SLC41A2: variants seen among roughly 807,000 people sequenced by gnomAD.
SLC41A2 encodes the protein solute carrier family 41 member 2, also known as SLC41A1-like 1.
In SLC41A2, 32 loss-of-function variants were observed where a neutral mutation model predicts 58.3. That is an observed-to-expected ratio of 0.55 (90% CI 0.41 to 0.74). SLC41A2 has a LOEUF of 0.74. Among genes scored for constraint, SLC41A2 ranks in the 30% least tolerant of loss-of-function variants. The pLI, the probability that SLC41A2 is intolerant of heterozygous loss-of-function variation, is 0.00. For synonymous variants in SLC41A2, 190 were observed against 235.0 expected (o/e 0.81, Z 1.75); for missense variants, 514 against 680.6 (o/e 0.76, Z 2.72).
chr12:104,809,142 A>G (rs1014815892), intron 10 of SLC41A2, among the ~76,000 whole-genome samples: 2 of 152,228 alleles, frequency 1.3e-5, no homozygotes, highest in South Asian at 4.1e-4. Context: ...TAAATAATAT[A>G]CTAAATAATT....
At chr12:104,829,993 C>T (rs2041986158) in intron 10 of SLC41A2, among the ~76,000 whole-genome samples, 1 of 152,134 alleles carries the variant, frequency 6.6e-6, no homozygotes, top group South Asian at 2.1e-4. Context: ...GGCCTAAAGG[C>T]CTAAAATATT....
At chr12:104,817,705 C>T (rs1301656602) in intron 10 of SLC41A2, among the ~76,000 whole-genome samples, 2 of 151,288 alleles carry the variant, frequency 1.3e-5, no homozygotes, top group African/African-American at 2.4e-5. Flanking sequence ...ATGTACTATA[C>T]ATAATGAAAT....
intron 8 of SLC41A2, among the ~76,000 whole-genome samples, chr12:104,846,193 T>C (rs2136338237): frequency 6.6e-6 from 1 of 152,304 alleles, no homozygotes; most frequent in Non-Finnish European, 1.5e-5. Flanking sequence ...ACTTGACTGG[T>C]ATGCAAGCAG....
intron 8 of SLC41A2, among the ~76,000 whole-genome samples, chr12:104,854,496 G>A (rs1208781803): frequency 1.3e-5 from 2 of 151,736 alleles, no homozygotes; most frequent in East Asian, 3.9e-4. Flanking sequence ...CTGGGAGGCG[G>A]AGCTTGCAGT....
intron 10 of SLC41A2, among the ~76,000 whole-genome samples, chr12:104,807,148 T>C (rs1384512012): frequency 6.6e-6 from 1 of 152,254 alleles, no homozygotes; most frequent in Non-Finnish European, 1.5e-5. Flanking sequence ...CCCATGCCAA[T>C]GTCCTGAATG....
At chr12:104,812,136 C>G (rs2041199371) in intron 10 of SLC41A2, among the ~76,000 whole-genome samples, 2 of 152,216 alleles carry the variant, frequency 1.3e-5, no homozygotes, top group Admixed American at 6.5e-5. Context: ...GGATGACCTC[C>G]AGAGAGGAGA....
At chr12:104,876,364 C>T (rs1233808967) in intron 6 of SLC41A2, among the ~76,000 whole-genome samples, 1 of 151,960 alleles carries the variant, frequency 6.6e-6, no homozygotes, top group Non-Finnish European at 1.5e-5. Context: ...TATTGGAGAT[C>T]TTTCTTCTTT....
At chr12:104,811,350 T>C (rs1055745213) in intron 10 of SLC41A2, among the ~76,000 whole-genome samples, 2 of 152,132 alleles carry the variant, frequency 1.3e-5, no homozygotes, top group African/African-American at 4.8e-5. Flanking sequence ...TAAATGAAAA[T>C]GAACTATATA....
At chr12:104,861,498 A>C in intron 7 of SLC41A2, 128 bp from the exon 8 acceptor site, 1 of 535,802 alleles carries the variant, frequency 1.9e-6, no homozygotes, top group Non-Finnish European at 3.2e-6. Context: ...GAGCAAAAAT[A>C]AAAATATTCA....
chr12:104,897,098 T>A (rs181371749), intron 3 of SLC41A2, among the ~76,000 whole-genome samples: 19 of 151,884 alleles, frequency 1.3e-4, no homozygotes, highest in Admixed American at 1.2e-3. Context: ...ATACATACCA[T>A]GGCTCTGTTT....
Position 104,895,254 on chromosome 12 carries a change from C to T in SLC41A2, c.735+20G>A, listed in dbSNP as rs770912911. ...AATTTGTACACCCAAGATCTGTAAA[C>T]AAATATGTGTACCACTTACCTGCTT... On this transcript the variant is annotated intron_variant, in intron 4 of 10. Coordinates refer to ENST00000258538, the MANE Select transcript of SLC41A2 (RefSeq NM_001352171.3). 3 of 1,591,712 alleles carry T rather than the reference C, an allele frequency of 1.9e-6. No homozygotes were observed. Among genetic ancestry groups the T allele is most frequent in the Non-Finnish European group, 2.6e-6 (3 of 1,162,840 alleles).
chr12:104,826,522 G>T (rs1276382675), intron 10 of SLC41A2, among the ~76,000 whole-genome samples: 1 of 152,136 alleles, frequency 6.6e-6, no homozygotes, highest in Non-Finnish European at 1.5e-5. Flanking sequence ...CAGCAGAGAA[G>T]CCAGCACCCT....
rs1417334201 is a variant in SLC41A2 at position 104,802,031 on chromosome 12, G to A, written c.*3121C>T. 2.0e-5 allele frequency among the ~76,000 whole-genome samples: 3 copies of A among 152,212 alleles called. No individual in the cohort carries two copies. The highest frequency in any genetic ancestry group is 7.2e-5 in the African/African-American group (3 of 41,550). The stretch of plus-strand genomic sequence containing the variant: ...TGGGTACACTATACCATAGATATAA[G>A]GCAAGGAATCCCAATTACTGATTTT... On this transcript the variant is annotated 3_prime_UTR_variant, in exon 11 of 11. Transcript: ENST00000258538.
intron 8 of SLC41A2, among the ~76,000 whole-genome samples, chr12:104,859,097 C>T (rs1014184312): frequency 2.0e-5 from 3 of 151,966 alleles, no homozygotes; most frequent in Non-Finnish European, 4.4e-5. Flanking sequence ...AGTAGTTATT[C>T]CAGGCAGTGA....
chr12:104,937,325 G>A (rs1321334360), intron 1 of SLC41A2, among the ~76,000 whole-genome samples: 1 of 152,100 alleles, frequency 6.6e-6, no homozygotes, highest in East Asian at 1.9e-4. Context: ...CTCCATTCAT[G>A]GTAAATGCCC....
chr12:104,947,272 C>T (rs1410152021), intron 1 of SLC41A2, among the ~76,000 whole-genome samples: 2 of 133,510 alleles, frequency 1.5e-5, no homozygotes, highest in Non-Finnish European at 3.1e-5. Context: ...GGTGCTATCT[C>T]GGTTCACTGC....
chr12:104,919,357 T>C (rs1171386469), intron 2 of SLC41A2, among the ~76,000 whole-genome samples: 1 of 152,222 alleles, frequency 6.6e-6, no homozygotes, highest in Non-Finnish European at 1.5e-5. Context: ...TGGGGATAAA[T>C]GCCCAGGAAT....
chr12:104,932,624 C>CAAAAAAAAAAAA (rs544329617), intron 1 of SLC41A2, among the ~76,000 whole-genome samples: 2 of 46,068 alleles, frequency 4.3e-5, no homozygotes, highest in African/African-American at 1.7e-4. Flanking sequence ...GACTTTGTCT[C>CAAAAAAAAAAAA]AAAAAAAAAA....
chr12:104,811,076 A>G (rs184570702), intron 10 of SLC41A2, among the ~76,000 whole-genome samples: 1 of 152,280 alleles, frequency 6.6e-6, no homozygotes, highest in Admixed American at 6.5e-5. Flanking sequence ...CACTGGGGAA[A>G]AATAAAATTG....
Sources: gnomAD v4.1 joint callset for allele counts (sites outside exome capture counted in the v4.1 genomes callset) on GRCh38, gnomAD v4.1.1 for gene constraint, MANE v1.5 for transcripts, NCBI Gene and HGNC (gene_info 2026-07-23, HGNC 2026-07-21) for gene names.